The following SENP7 variants were observed in gnomAD, a reference collection of about 807,000 sequenced individuals.
SENP7 encodes the protein sentrin-specific protease 7.
Under a neutral mutation model 141.2 loss-of-function variants are expected in SENP7, and 64 were observed. The ratio of observed to expected loss-of-function variants is 0.45; its 90% CI spans 0.37 to 0.56. The LOEUF (loss-of-function observed/expected upper bound fraction) is 0.56, where lower values mean the gene tolerates loss of function less well. SENP7 is among the 20% of genes least tolerant of loss of function. The pLI, the probability that SENP7 is intolerant of heterozygous loss-of-function variation, is 0.00. For synonymous variants in SENP7, 382 were observed against 426.4 expected, an observed-to-expected ratio of 0.90 and a Z score of 1.28; for missense variants, 1,025 against 1,212.2, an observed-to-expected ratio of 0.85 and a Z score of 2.29.
chr3:101,503,031 TA>T (rs1278547928), intron 1 of SENP7, among the ~76,000 whole-genome samples: 2 of 152,000 alleles, frequency 1.3e-5, no homozygotes, highest in African/African-American at 4.8e-5. Context: ...AAAGAATTCA[TA>T]ACCAGAATAT....
At chr3:101,376,673 C>T (rs149764248) in intron 6 of SENP7, among the ~76,000 whole-genome samples, 2,792 of 152,052 alleles carry the variant, frequency 0.018, 126 homozygotes, top group Admixed American at 0.1. Flanking sequence ...TTAGGAGATA[C>T]ACCTAATGTT....
chr3:101,431,786 A>G (rs182378000), intron 4 of SENP7, among the ~76,000 whole-genome samples: 1 of 151,748 alleles, frequency 6.6e-6, no homozygotes, highest in East Asian at 1.9e-4. Context: ...TTCGTCTCAA[A>G]AAAAATCATC....
In SENP7 at chr3:101,330,440, G is replaced by T. The variant is rs1358515279; in HGVS notation, c.2699-54C>A. The T allele has an allele frequency of 1.6e-5, 20 of 1,229,114 alleles. No homozygotes were observed. In the East Asian group the frequency reaches 4.4e-4, roughly 27 times the overall value. 76.1% of individuals were successfully genotyped at this position (1,229,114 alleles called of 1,614,324 possible). On this transcript the variant is annotated intron_variant, in intron 19 of 23. Transcript: ENST00000394095. ...GTGTTTATTGCATGTTTTTATACAGGTAACTTAGAAAAGCTTAAAATTATA... is the reference window on the plus strand; with the variant it reads ...GTGTTTATTGCATGTTTTTATACAGTTAACTTAGAAAAGCTTAAAATTATA...
intron 7 of SENP7, among the ~76,000 whole-genome samples, chr3:101,368,415 T>TATACA (rs2060094084): frequency 6.6e-6 from 1 of 151,696 alleles, no homozygotes; most frequent in Non-Finnish European, 1.5e-5. Flanking sequence ...GATGAGTTCA[T>TATACA]GTCCTTTGTA....
chr3:101,469,529 A>C (rs1429705452), intron 3 of SENP7, among the ~76,000 whole-genome samples: 1 of 125,190 alleles, frequency 8.0e-6, no homozygotes, highest in East Asian at 2.6e-4. Flanking sequence ...CAAATGTAAA[A>C]GAACAGATAT....
At chr3:101,430,554 T>C (rs966020239) in intron 4 of SENP7, among the ~76,000 whole-genome samples, 4 of 152,240 alleles carry the variant, frequency 2.6e-5, no homozygotes, top group African/African-American at 9.6e-5. Flanking sequence ...CATTTTTTAT[T>C]GCATTTATTT....
intron 3 of SENP7, among the ~76,000 whole-genome samples, chr3:101,466,954 G>A (rs148298349): frequency 1.3e-5 from 2 of 152,266 alleles, no homozygotes; most frequent in African/African-American, 2.4e-5. Flanking sequence ...GACAGGCTAC[G>A]TGGAAAAATG....
At chr3:101,344,979 A>G (rs952339952) in intron 13 of SENP7, among the ~76,000 whole-genome samples, 11 of 126,698 alleles carry the variant, frequency 8.7e-5, no homozygotes, top group African/African-American at 3.1e-4. Flanking sequence ...CCATCTCTAG[A>G]AAAAAAGAAA....
intron 12 of SENP7, among the ~76,000 whole-genome samples, chr3:101,348,318 TTA>T (rs900310873): frequency 3.3e-4 from 50 of 152,252 alleles, no homozygotes; most frequent in Non-Finnish European, 3.5e-4. Flanking sequence ...ATCTCTCACA[TTA>T]TATGATTTCA....
intron 3 of SENP7, among the ~76,000 whole-genome samples, chr3:101,462,817 G>A (rs949730985): frequency 1.3e-5 from 2 of 151,582 alleles, no homozygotes; most frequent in Admixed American, 6.6e-5. Flanking sequence ...GCAGTGAGCC[G>A]AGATCATGCC....
chr3:101,395,181 G>A (rs1428520505), intron 6 of SENP7, among the ~76,000 whole-genome samples: 1 of 152,116 alleles, frequency 6.6e-6, no homozygotes, highest in African/African-American at 2.4e-5. Context: ...TGTATTTTTT[G>A]TTGTTGCCTG....
In SENP7 at chr3:101,464,334, G is replaced by T. The variant is rs149223671; in HGVS notation, c.187-5282C>A. 2.6e-3 allele frequency among the ~76,000 whole-genome samples: 398 copies of T among 152,252 alleles called. 6 individuals carry two copies. In the South Asian group the frequency reaches 0.03, roughly 11 times the overall value. ...TAACCCCAGGCCATGGACTGGTATTGGTCCATGGCCTGTTAGGAACCAGGC... is the reference window on the plus strand; with the variant it reads ...TAACCCCAGGCCATGGACTGGTATTTGTCCATGGCCTGTTAGGAACCAGGC... On this transcript the variant is annotated intron_variant, in intron 3 of 23. Transcript: ENST00000394095.
At position 101,325,424 on chromosome 3, in the gene SENP7, C is replaced by A. The variant is rs527808571; in HGVS notation, c.*519G>T. ...TTTTTGTTACATACAGAAGGGATGC[C>A]GTAAATGGCATTTTCTGAAGCCTTG... On this transcript the variant is annotated 3_prime_UTR_variant, in exon 24 of 24. Coordinates refer to ENST00000394095, the MANE Select transcript of SENP7 (RefSeq NM_020654.5). 6.6e-6 allele frequency: 1 copy of A among 152,544 alleles called. No individual in the cohort carries two copies. Among genetic ancestry groups the A allele is most frequent in the Non-Finnish European group, 1.5e-5 (1 of 67,988 alleles). 9.4% of individuals were successfully genotyped at this position (152,544 alleles called of 1,614,324 possible). A position where few individuals can be genotyped will look rare whatever the true frequency, so the allele number is the denominator to read the frequency against.
intron 14 of SENP7, among the ~76,000 whole-genome samples, chr3:101,342,213 T>G (rs922703999): frequency 6.6e-6 from 1 of 152,216 alleles, no homozygotes; most frequent in Non-Finnish European, 1.5e-5. Context: ...AGTCTTATAC[T>G]TTATCTAACA....
intron 1 of SENP7, among the ~76,000 whole-genome samples, chr3:101,509,590 A>G (rs2065767143): frequency 6.6e-6 from 1 of 152,198 alleles, no homozygotes; most frequent in African/African-American, 2.4e-5. Context: ...GGGCAATTCC[A>G]TTCATTCCAA....
At chr3:101,356,240 A>T (rs2059739364) in intron 11 of SENP7, among the ~76,000 whole-genome samples, 1 of 152,184 alleles carries the variant, frequency 6.6e-6, no homozygotes, top group Admixed American at 6.5e-5. Context: ...TTACATTTTC[A>T]TCATGCATCT....
chr3:101,451,665 C>T (rs963222036), intron 4 of SENP7, among the ~76,000 whole-genome samples: 7 of 152,150 alleles, frequency 4.6e-5, no homozygotes, highest in Non-Finnish European at 7.4e-5. Context: ...AATTAAAAAC[C>T]TTCATGCCAA....
At chr3:101,330,249 C>A (rs2059013325) in intron 20 of SENP7, 85 bp downstream of exon 20, 1 of 973,634 alleles carries the variant, frequency 1.0e-6, no homozygotes, top group Admixed American at 2.0e-5. Flanking sequence ...GCCAGCATAG[C>A]CCACCTAGCT....
chr3:101,419,305 A>G (rs566701917), intron 4 of SENP7, among the ~76,000 whole-genome samples: 1 of 152,370 alleles, frequency 6.6e-6, no homozygotes, highest in South Asian at 2.1e-4. Flanking sequence ...TTAGCAAACC[A>G]TATTAAGGAT....
Sources: allele counts gnomAD v4.1 joint callset (sites outside exome capture counted in the v4.1 genomes callset), GRCh38; gene constraint gnomAD v4.1.1; transcripts MANE v1.5; gene names NCBI Gene and HGNC (gene_info 2026-07-23, HGNC 2026-07-21).